Variants in MTUS2 observed in about 807,000 individuals in gnomAD.
The protein encoded by MTUS2 is microtubule-associated tumor suppressor candidate 2.
Under a neutral mutation model 114.1 loss-of-function variants are expected in MTUS2, and 40 were observed. That is an observed-to-expected ratio of 0.35 (90% CI 0.27 to 0.46). The LOEUF is 0.46. Among genes scored for constraint, MTUS2 ranks in the 20% least tolerant of loss-of-function variants. The pLI is 1.00. For missense variants in MTUS2, 1,679 were observed against 1,705.4 expected (o/e 0.98, Z 0.27); for synonymous variants, 688 against 672.0 (o/e 1.02, Z -0.37).
chr13:28,898,445 T>C (rs1033619704), intron 2 of MTUS2, among the ~76,000 whole-genome samples: 4 of 152,236 alleles, frequency 2.6e-5, no homozygotes, highest in African/African-American at 9.6e-5. Flanking sequence ...CCCTGCTCTT[T>C]CCACAGTGGT....
chr13:29,309,248 C>T (rs1368838286), intron 6 of MTUS2, among the ~76,000 whole-genome samples: 1 of 152,000 alleles, frequency 6.6e-6, no homozygotes, highest in African/African-American at 2.4e-5. Flanking sequence ...TACTATGCAG[C>T]CATAAAAAGG....
intron 8 of MTUS2, among the ~76,000 whole-genome samples, chr13:29,383,840 C>T (rs953581096): frequency 2.1e-4 from 32 of 152,202 alleles, no homozygotes; most frequent in African/African-American, 7.5e-4. Context: ...TTATTACTGT[C>T]CTGGATAACC....
chr13:29,399,720 CAG>C (rs1375018302), intron 8 of MTUS2, among the ~76,000 whole-genome samples: 1 of 151,920 alleles, frequency 6.6e-6, no homozygotes, highest in African/African-American at 2.4e-5. Context: ...AAAAAAAGAA[CAG>C]AGAGAATTGG....
chr13:29,003,972 CACT>C (rs1351067884), intron 2 of MTUS2, among the ~76,000 whole-genome samples: 1 of 152,172 alleles, frequency 6.6e-6, no homozygotes, highest in Non-Finnish European at 1.5e-5. Flanking sequence ...ATTTAGCCAA[CACT>C]GGCTCACTTT....
chr13:29,014,790 C>A (rs1885995052), intron 2 of MTUS2, among the ~76,000 whole-genome samples: 1 of 152,206 alleles, frequency 6.6e-6, no homozygotes, highest in Admixed American at 6.5e-5. Context: ...ATTTTGTAGC[C>A]AAAACATAAC....
chr13:29,362,091 A>G (rs1870305538), intron 8 of MTUS2, among the ~76,000 whole-genome samples: 1 of 152,168 alleles, frequency 6.6e-6, no homozygotes, highest in African/African-American at 2.4e-5. Flanking sequence ...AGTTTTCTCC[A>G]TTTAAAATAG....
chr13:29,059,893 C>T (rs936074325), intron 4 of MTUS2, among the ~76,000 whole-genome samples: 2 of 152,206 alleles, frequency 1.3e-5, no homozygotes, highest in Non-Finnish European at 2.9e-5. Context: ...CTGGTGGCTT[C>T]CTGGAACAAC....
At chr13:29,392,375 G>A (rs1873570571) in intron 8 of MTUS2, among the ~76,000 whole-genome samples, 1 of 152,026 alleles carries the variant, frequency 6.6e-6, no homozygotes, top group South Asian at 2.1e-4. Context: ...TGCCTTCAAG[G>A]TTTGTTCAGT....
At chr13:29,002,163 A>C (rs768028860) in intron 2 of MTUS2, among the ~76,000 whole-genome samples, 4 of 152,168 alleles carry the variant, frequency 2.6e-5, no homozygotes, top group Non-Finnish European at 5.9e-5. Context: ...GAATGCAGTG[A>C]AGATATTGAG....
chr13:29,237,673 G>GTA (rs1896584461), intron 5 of MTUS2, among the ~76,000 whole-genome samples: 1 of 152,266 alleles, frequency 6.6e-6, no homozygotes, highest in East Asian at 1.9e-4. Flanking sequence ...TCTTGACTTT[G>GTA]TATACCTGGA....
intron 1 of MTUS2, among the ~76,000 whole-genome samples, chr13:28,820,918 G>T (rs1235668989): frequency 3.3e-5 from 5 of 152,142 alleles, no homozygotes; most frequent in African/African-American, 4.8e-5. Flanking sequence ...TGGATAATTT[G>T]GTCTGAGTCT....
At position 29,503,271 on chromosome 13, in the gene MTUS2, C is replaced by G. The variant is rs889619921; in HGVS notation, c.*65C>G. On this transcript the variant is annotated 3_prime_UTR_variant, in exon 16 of 16. Transcript: ENST00000612955. ...TCCGGTCTCCACCCTGAGGGAGCAC[C>G]GACCCGGTGCCGCCGGAGCTGGCCC... is the stretch of plus-strand genomic sequence containing the variant. 2 of 1,570,244 alleles carry G rather than the reference C, an allele frequency of 1.3e-6. No homozygotes were observed. Among genetic ancestry groups the G allele is most frequent in the Non-Finnish European group, 1.7e-6 (2 of 1,150,688 alleles).
chr13:29,241,042 G>T (rs952513753), intron 5 of MTUS2, among the ~76,000 whole-genome samples: 3 of 152,018 alleles, frequency 2.0e-5, no homozygotes, highest in Admixed American at 1.3e-4. Context: ...TATTGACAAA[G>T]AAGAGAGGAA....
intron 5 of MTUS2, among the ~76,000 whole-genome samples, chr13:29,199,282 A>G (rs1050692954): frequency 6.6e-6 from 1 of 152,328 alleles, no homozygotes; most frequent in East Asian, 1.9e-4. Flanking sequence ...TTCAAAGGAA[A>G]TGCTTCCAGC....
chr13:29,272,439 C>A (rs1257190628), intron 5 of MTUS2, among the ~76,000 whole-genome samples: 1 of 152,190 alleles, frequency 6.6e-6, no homozygotes, highest in African/African-American at 2.4e-5. Context: ...CTGCAGCCTT[C>A]CTCTTCCTTG....
At chr13:28,881,272 C>G (rs961986272) in intron 2 of MTUS2, among the ~76,000 whole-genome samples, 1 of 152,132 alleles carries the variant, frequency 6.6e-6, no homozygotes, top group South Asian at 2.1e-4. Flanking sequence ...TAATGGCCTC[C>G]AGTTGTATTC....
chr13:29,405,836 G>A (rs1396096892), intron 8 of MTUS2, among the ~76,000 whole-genome samples: 1 of 151,618 alleles, frequency 6.6e-6, no homozygotes, highest in East Asian at 1.9e-4. Context: ...CGCCTCCCGG[G>A]TTTAAGCGAC....
intron 2 of MTUS2, among the ~76,000 whole-genome samples, chr13:28,909,285 T>G (rs1255309883): frequency 1.3e-5 from 2 of 151,782 alleles, no homozygotes; most frequent in Non-Finnish European, 2.9e-5. Context: ...TTGGGCAGTA[T>G]GGCCATTTTC....
At chr13:29,453,166 T>C (rs573303944) in intron 9 of MTUS2, among the ~76,000 whole-genome samples, 37 of 152,246 alleles carry the variant, frequency 2.4e-4, no homozygotes, top group Non-Finnish European at 4.9e-4. Context: ...TGAGAGAAGA[T>C]AATAAATAGC....
Sources: gnomAD v4.1 joint callset for allele counts (sites outside exome capture counted in the v4.1 genomes callset) on GRCh38, gnomAD v4.1.1 for gene constraint, MANE v1.5 for transcripts, NCBI Gene and HGNC (gene_info 2026-07-23, HGNC 2026-07-21) for gene names.